Variants in SRFBP1 observed in about 807,000 individuals in gnomAD.
SRFBP1 encodes the protein serum response factor-binding protein 1.
A neutral mutation model predicts 45.5 loss-of-function variants in SRFBP1; 47 were observed. The observed-to-expected ratio is 1.03, with a 90% CI of 0.82 to 1.32. The LOEUF (loss-of-function observed/expected upper bound fraction) is 1.32, where lower values mean the gene tolerates loss of function less well. Among genes scored for constraint, SRFBP1 ranks in the 40% most tolerant of loss-of-function variants. The pLI, the probability that SRFBP1 is intolerant of heterozygous loss-of-function variation, is 0.00. For missense variants in SRFBP1, 621 were observed against 484.6 expected (o/e 1.28, Z -2.64); for synonymous variants, 203 against 166.3 (o/e 1.22, Z -1.70).
At chr5:121,976,173 C>T (rs1752298813) in intron 3 of SRFBP1, among the ~76,000 whole-genome samples, 1 of 152,014 alleles carries the variant, frequency 6.6e-6, no homozygotes, top group African/African-American at 2.4e-5. Context: ...GATTCTCAGC[C>T]TTTCTTCCTT....
At chr5:122,036,304 A>G (rs1753691337) in intron 2 of SRFBP1, among the ~76,000 whole-genome samples, 1 of 152,112 alleles carries the variant, frequency 6.6e-6, no homozygotes, top group Non-Finnish European at 1.5e-5. Context: ...GAGGTCAATC[A>G]TACAGGTGAT....
At chr5:121,993,823 T>A (rs984445113) in intron 3 of SRFBP1, among the ~76,000 whole-genome samples, 1 of 152,064 alleles carries the variant, frequency 6.6e-6, no homozygotes, top group Non-Finnish European at 1.5e-5. Flanking sequence ...TGAGGTAGTT[T>A]TATTTATTTA....
At chr5:122,033,819 G>GTTTTT (rs1240048813) in intron 2 of SRFBP1, among the ~76,000 whole-genome samples, 4 of 114,488 alleles carry the variant, frequency 3.5e-5, no homozygotes, top group African/African-American at 1.1e-4. Flanking sequence ...TTTATTTTCA[G>GTTTTT]TTTTTTTTTT....
At chr5:121,984,725 G>A (rs1236220180) in intron 3 of SRFBP1, among the ~76,000 whole-genome samples, 2 of 151,718 alleles carry the variant, frequency 1.3e-5, no homozygotes, top group Non-Finnish European at 3.0e-5. Flanking sequence ...TATTTAAGAT[G>A]ACCATTGCCT....
chr5:122,010,744 CTG>C (rs1412305598), intron 4 of SRFBP1, among the ~76,000 whole-genome samples: 3 of 151,922 alleles, frequency 2.0e-5, no homozygotes, highest in Non-Finnish European at 4.4e-5. Flanking sequence ...CACAAAAAAA[CTG>C]TATTTATATA....
At chr5:121,999,655 C>A (rs1580517359) in intron 4 of SRFBP1, among the ~76,000 whole-genome samples, 1 of 152,006 alleles carries the variant, frequency 6.6e-6, no homozygotes, top group African/African-American at 2.4e-5. Context: ...GATTTATGTT[C>A]TTGGGGCGCT....
chr5:122,052,755 A>G (rs1754012159), intron 2 of SRFBP1, among the ~76,000 whole-genome samples: 1 of 152,166 alleles, frequency 6.6e-6, no homozygotes, highest in African/African-American at 2.4e-5. Context: ...CTGCCATTTC[A>G]GTAATTTCGA....
chr5:122,076,910 C>T (rs1754654341), downstream of SRFBP1: 1 of 1,614,090 alleles, frequency 6.2e-7, no homozygotes, highest in East Asian at 2.2e-5. Context: ...GACAGTTTTC[C>T]TCCGCCGCGC....
At chr5:121,994,499 T>C (rs1037296533) in intron 3 of SRFBP1, 100 bp from the exon 4 acceptor site, 4 of 714,684 alleles carry the variant, frequency 5.6e-6, no homozygotes, top group Non-Finnish European at 9.3e-6. Flanking sequence ...AAAATTAAGA[T>C]GTTATTTAAT....
At chr5:122,076,793 T>C, downstream of SRFBP1, 1 of 1,019,276 alleles carries the variant, frequency 9.8e-7, no homozygotes, top group South Asian at 1.4e-5. Context: ...TCCCACTTCC[T>C]AACACTTGTC....
At chr5:121,985,827 G>A (rs1235231869) in intron 3 of SRFBP1, among the ~76,000 whole-genome samples, 1 of 151,796 alleles carries the variant, frequency 6.6e-6, no homozygotes, top group Non-Finnish European at 1.5e-5. Flanking sequence ...GGGGATTCGG[G>A]TAGACAACAT....
At chr5:121,999,998 A>T (rs576639101) in intron 4 of SRFBP1, among the ~76,000 whole-genome samples, 3 of 151,972 alleles carry the variant, frequency 2.0e-5, no homozygotes, top group African/African-American at 7.2e-5. Flanking sequence ...TATTTGCTTC[A>T]TATCTTTTTT....
chr5:122,060,752 CAG>C (rs1176071883), intron 2 of SRFBP1, among the ~76,000 whole-genome samples: 1 of 152,008 alleles, frequency 6.6e-6, no homozygotes, highest in Non-Finnish European at 1.5e-5. Flanking sequence ...CACAAAGAAA[CAG>C]AGAATAGACA....
At chr5:122,078,122 A>C, downstream of SRFBP1, 2 of 740,446 alleles carry the variant, frequency 2.7e-6, no homozygotes, top group Non-Finnish European at 2.0e-6. Flanking sequence ...AGTCTCCACC[A>C]AGCAATGCCA....
chr5:122,008,383 C>T lies in SRFBP1; in HGVS notation c.271-10877C>T, dbSNP rs550799355. On this transcript the variant is annotated intron_variant, in intron 4 of 7. Transcript: ENST00000339397. ...ACCAGCCTGGAGTCGGGGCCTGTGA[C>T]GACCTTCTTGGTGCTGGTTTTACTG... Among the ~76,000 whole-genome samples, 3 of 152,110 alleles carry T rather than the reference C, an allele frequency of 2.0e-5. No homozygotes were observed. The East Asian group carries it at 5.8e-4, about 30-fold the overall frequency.
chr5:121,991,897 A>G (rs780991246), intron 3 of SRFBP1, among the ~76,000 whole-genome samples: 8 of 152,168 alleles, frequency 5.3e-5, no homozygotes, highest in Non-Finnish European at 8.8e-5. Context: ...TATAAATGGT[A>G]TAATACAAAA....
At chr5:121,980,001 C>G (rs1752377119) in intron 3 of SRFBP1, among the ~76,000 whole-genome samples, 1 of 152,120 alleles carries the variant, frequency 6.6e-6, no homozygotes, top group South Asian at 2.1e-4. Flanking sequence ...AACTCATTAT[C>G]CTATCTACCA....
At chr5:121,982,988 C>T (rs958570044) in intron 3 of SRFBP1, among the ~76,000 whole-genome samples, 7 of 151,636 alleles carry the variant, frequency 4.6e-5, no homozygotes, top group African/African-American at 1.7e-4. Context: ...ACAACCAATA[C>T]TACTATCATA....
chr5:121,967,363 GT>G (rs1452781902), intron 1 of SRFBP1, among the ~76,000 whole-genome samples: 3 of 152,088 alleles, frequency 2.0e-5, no homozygotes, highest in African/African-American at 4.8e-5. Flanking sequence ...TTTGTGTTTA[GT>G]TATTAAACTA....
Sources: allele counts gnomAD v4.1 joint callset (sites outside exome capture counted in the v4.1 genomes callset), GRCh38; gene constraint gnomAD v4.1.1; transcripts MANE v1.5; gene names NCBI Gene and HGNC (gene_info 2026-07-23, HGNC 2026-07-21).